ANKZF1: variants seen among roughly 807,000 people sequenced by gnomAD.
ANKZF1 encodes ankyrin repeat and zinc finger peptidyl tRNA hydrolase 1.
ANKZF1 carries 84 observed loss-of-function variants against 86.0 expected under a neutral mutation model. The observed-to-expected ratio is 0.98, with a 90% CI of 0.82 to 1.17. The LOEUF (loss-of-function observed/expected upper bound fraction) is 1.17. ANKZF1 is among the 50% of genes most tolerant of loss of function. The pLI, the probability that ANKZF1 is intolerant of heterozygous loss-of-function variation, is 0.00. For missense variants in ANKZF1, 893 were observed against 918.4 expected (o/e 0.97, Z 0.36); for synonymous variants, 331 against 354.2 (o/e 0.93, Z 0.74).
chr2:219,233,579 G>A, intron 7 of ANKZF1, 136 bp from the exon 8 acceptor site: 1 of 1,402,282 alleles, frequency 7.1e-7, no homozygotes, highest in Non-Finnish European at 9.6e-7. Flanking sequence ...GATTCCCCAG[G>A]AGCCTTAGTC....
rs780990700 is a variant in ANKZF1 at position 219,233,473 on chromosome 2, C to A, written c.819+40C>A. 3.9e-6 allele frequency: 6 copies of A among 1,540,154 alleles called. No individual in the cohort carries two copies. The Admixed American group carries it at 6.4e-5, about 16-fold the overall frequency. ...TTAGATCTGGTGGTACTGATCCATA[C>A]TTTTTTTGCATCTCTGTTCAACTCA... On this transcript the variant is annotated intron_variant, in intron 7 of 13. Coordinates refer to ENST00000323348, the MANE Select transcript of ANKZF1 (RefSeq NM_018089.3).
chr2:219,234,311 G>A (rs773965398), intron 9 of ANKZF1, 23 bp downstream of exon 9: 29 of 1,613,674 alleles, frequency 1.8e-5, no homozygotes, highest in Non-Finnish European at 2.5e-5. Context: ...TCTGGCAACT[G>A]TCAGATCTGA....
rs931064130 is a variant in ANKZF1 at position 219,229,878 on chromosome 2, C to T, written c.-53C>T. 5.4e-6 allele frequency: 1 copy of T among 184,250 alleles called. No homozygotes were observed. The allele number at this position is 184,250 out of a possible 1,614,324, so 11.4% of individuals were successfully genotyped here. On this transcript the variant is annotated 5_prime_UTR_variant, in exon 1 of 14. Coordinates refer to ENST00000323348, the MANE Select transcript of ANKZF1 (RefSeq NM_018089.3). The surrounding 1 kb of genome is among the most constrained non-coding windows in gnomAD (Gnocchi z 4.2). The stretch of plus-strand genomic sequence containing the variant: ...GGCAATCGACCTGAGGACTTGCGAG[C>T]CGCTCAGCTCCCGGGACGTTTGGTG...
chr2:219,232,448 A>G lies in ANKZF1; in HGVS notation c.365-42A>G, dbSNP rs757874315. The G allele has an allele frequency of 8.1e-6, 13 of 1,611,566 alleles. No homozygotes were observed. In the Admixed American group the frequency reaches 1.8e-4, roughly 23 times the overall value. Reference sequence around the variant, plus strand: ...TTTAGAGTTTGAGGAAAGAACAAAAATGGGGTACCAAACTTGTGTATCTCA... The same window carrying G: ...TTTAGAGTTTGAGGAAAGAACAAAAGTGGGGTACCAAACTTGTGTATCTCA... On this transcript the variant is annotated intron_variant, in intron 4 of 13. Coordinates refer to ENST00000323348, the MANE Select transcript of ANKZF1 (RefSeq NM_018089.3).
At chr2:219,234,590 T>G in intron 9 of ANKZF1, 1 of 664,826 alleles carries the variant, frequency 1.5e-6, no homozygotes, top group Non-Finnish European at 2.5e-6. Flanking sequence ...GCTTCCATGC[T>G]TTCCTCTATT....
At position 219,234,124 on chromosome 2, in the gene ANKZF1, T is replaced by C. The variant is rs1951131261; in HGVS notation, c.1049-9T>C. The C allele has an allele frequency of 6.2e-7, 1 of 1,604,514 alleles. No homozygotes were observed. Among genetic ancestry groups the C allele is most frequent in the Non-Finnish European group, 8.5e-7 (1 of 1,177,570 alleles). ...CTAAGGTTGAGAAAGATCTTTTCTT[T>C]TATGGCAGAAGAAGACCCTCGGGAA... On this transcript the variant is annotated splice_polypyrimidine_tract_variant and intron_variant, in intron 8 of 13. Transcript: ENST00000323348.
chr2:219,230,256 C>G lies in ANKZF1; in HGVS notation c.-2C>G, dbSNP rs1240067250. On this transcript the variant is annotated 5_prime_UTR_variant, in exon 2 of 14. Transcript: ENST00000323348. ...CTGCTGCTAAATAATTTCTGCTCAG[C>G]CATGTCGCCGGCTCCAGATGCAGCC... 1 of 1,612,736 alleles carries G rather than the reference C, an allele frequency of 6.2e-7. No homozygotes were observed. Among genetic ancestry groups the G allele is most frequent in the Non-Finnish European group, 8.5e-7 (1 of 1,179,138 alleles).
chr2:219,230,310 ACCT>A lies in ANKZF1; in HGVS notation c.55_57del (p.Leu19del). 6.2e-7 allele frequency: 1 copy of A among 1,613,678 alleles called. No individual in the cohort carries two copies. The highest frequency in any genetic ancestry group is 1.1e-5 in the South Asian group (1 of 91,050). On this transcript the variant is annotated inframe_deletion, in exon 2 of 14. Transcript: ENST00000323348. The stretch of plus-strand genomic sequence containing the variant: ...GCTCCTGCGTCGATCTCCCTGTTTG[ACCT>A]CAGCGCGGATGCTCCGGTCTTTCAG...
rs150725143 is a variant in ANKZF1, at chr2:219,234,137, A to C, written c.1053A>C (p.Glu351Asp). The C allele has an allele frequency of 7.5e-4, 1,203 of 1,608,274 alleles. No homozygotes were observed. The highest frequency in any genetic ancestry group is 1.3e-3 in the Middle Eastern group (8 of 6,014). The change falls in exon 9 of 14, where the codon GAA becomes GAC. Residue 351 changes from glutamate to aspartate, a missense_variant. By Grantham distance (45) the Glu-to-Asp change is conservative. Coordinates refer to ENST00000323348, the MANE Select transcript of ANKZF1 (RefSeq NM_018089.3). ...HKLTTLHVYEEDPREAVRLHS... is the reference protein window; with the variant it reads ...HKLTTLHVYEDDPREAVRLHS... ...AGATCTTTTCTTTTATGGCAGAAGA[A>C]GACCCTCGGGAAGCAGTCAGACTGC...
intron 7 of ANKZF1, 52 bp from the exon 8 acceptor site, chr2:219,233,663 A>G: frequency 1.3e-6 from 2 of 1,539,212 alleles, no homozygotes; most frequent in South Asian, 2.5e-5. Context: ...TTAGTTGGAG[A>G]TTTATAAATA....
chr2:219,233,683 G>A, intron 7 of ANKZF1, 32 bp from the exon 8 acceptor site: 1 of 1,565,704 alleles, frequency 6.4e-7, no homozygotes, highest in Non-Finnish European at 8.6e-7. Flanking sequence ...AGCAAGTGAA[G>A]GTATGCAGGA....
In ANKZF1 at chr2:219,232,046, A is replaced by G; in HGVS notation, c.261+6A>G. ...TCCAGAACCACCAAGAACAGGTAAT[A>G]GGTCAGGTGCAGAGCTAGATGTTAG... On this transcript the variant is annotated splice_donor_region_variant and intron_variant, in intron 3 of 13. Coordinates refer to ENST00000323348, the MANE Select transcript of ANKZF1 (RefSeq NM_018089.3). The G allele has an allele frequency of 1.3e-6, 2 of 1,599,538 alleles. No individual in the cohort carries two copies. Among genetic ancestry groups the G allele is most frequent in the Non-Finnish European group, 1.7e-6 (2 of 1,173,494 alleles).
chr2:219,235,251 G>A lies in ANKZF1; in HGVS notation c.1630G>A (p.Ala544Thr), dbSNP rs774352425. 2 of 1,612,534 alleles carry A rather than the reference G, an allele frequency of 1.2e-6. No individual in the cohort carries two copies. Among genetic ancestry groups the A allele is most frequent in the Admixed American group, 1.7e-5 (1 of 60,012 alleles). ...GGFTLLHAAA[A>T]AGRGSVVRLL... is the part of the protein sequence containing the mutation. ...CTTTACTCTCCTGCATGCAGCAGCTGCAGCTGGAAGAGGCTCAGTGGTTCG... is the reference window on the plus strand; with the variant it reads ...CTTTACTCTCCTGCATGCAGCAGCTACAGCTGGAAGAGGCTCAGTGGTTCG... The change falls in exon 10 of 14, where the codon GCA (alanine) becomes ACA (threonine). Residue 544 changes from alanine (A) to threonine (T), a missense_variant. Physicochemically the swap from Ala to Thr is moderately conservative, Grantham distance 58. Transcript: ENST00000323348.
rs549768105 is a variant in ANKZF1 at position 219,233,067 on chromosome 2, T to G, written c.559-12T>G. 6.2e-7 allele frequency: 1 copy of G among 1,611,208 alleles called. No homozygotes were observed. Among genetic ancestry groups the G allele is most frequent in the South Asian group, 1.1e-5 (1 of 90,990 alleles). Reference sequence around the variant, plus strand: ...GCAACAGATATGTTTCTGATGCTTCTCTGTCATCAAGGATCCCCCAGAAGA... The same window carrying G: ...GCAACAGATATGTTTCTGATGCTTCGCTGTCATCAAGGATCCCCCAGAAGA... On this transcript the variant is annotated splice_polypyrimidine_tract_variant and intron_variant, in intron 5 of 13. Transcript: ENST00000323348.
rs1302410876 is a variant in ANKZF1, at chr2:219,232,450, G to A, written c.365-40G>A. On this transcript the variant is annotated intron_variant, in intron 4 of 13. Coordinates refer to ENST00000323348, the MANE Select transcript of ANKZF1 (RefSeq NM_018089.3). ...TAGAGTTTGAGGAAAGAACAAAAAT[G>A]GGGTACCAAACTTGTGTATCTCATA... 4 of 1,611,408 alleles carry A rather than the reference G, an allele frequency of 2.5e-6. No individual in the cohort carries two copies. The South Asian group carries it at 3.3e-5, about 13-fold the overall frequency.
chr2:219,234,878 G>A lies in ANKZF1; in HGVS notation c.1257G>A (p.Glu419=). 2.5e-6 allele frequency: 4 copies of A among 1,614,162 alleles called. No homozygotes were observed. Among genetic ancestry groups the A allele is most frequent in the Non-Finnish European group, 3.4e-6 (4 of 1,180,008 alleles). ...DGFQVELELV[E]LTVGTLDLCE... Reference sequence around the variant, plus strand: ...TTCAGGTAGAGTTGGAGCTAGTGGAGTTGACTGTGGGGACTCTGGATCTTT... The same window carrying A: ...TTCAGGTAGAGTTGGAGCTAGTGGAATTGACTGTGGGGACTCTGGATCTTT... Residue 419 remains glutamate (E), a synonymous_variant, in exon 10 of 14, where the codon GAG becomes GAA. Coordinates refer to ENST00000323348, the MANE Select transcript of ANKZF1 (RefSeq NM_018089.3).
chr2:219,230,113 A>T, intron 1 of ANKZF1, 115 bp from the exon 2 acceptor site: 2 of 804,144 alleles, frequency 2.5e-6, no homozygotes, highest in Non-Finnish European at 3.8e-6. Flanking sequence ...AGTTGGTAGC[A>T]GGATGAGAGA....
chr2:219,232,818 C>T, intron 5 of ANKZF1, 135 bp downstream of exon 5: 1 of 1,044,602 alleles, frequency 9.6e-7, no homozygotes, highest in South Asian at 1.6e-5. Flanking sequence ...ACAACATAGT[C>T]TTGAATTGAA....
In ANKZF1 at chr2:219,229,827, C is replaced by T. The variant is rs537039365; in HGVS notation, c.-104C>T. On this transcript the variant is annotated 5_prime_UTR_variant, in exon 1 of 14. The change creates a new upstream start codon in the 5' untranslated region. Coordinates refer to ENST00000323348, the MANE Select transcript of ANKZF1 (RefSeq NM_018089.3). The surrounding 1 kb of genome is among the most constrained non-coding windows in gnomAD (Gnocchi z 4.2). The stretch of plus-strand genomic sequence containing the variant: ...TGTCCTCTTCGCTGCTCCGTAGTGA[C>T]GGGGATTGTTGTGTTGCAGAAATCC... The T allele has an allele frequency of 1.8e-5, 3 of 165,970 alleles. No homozygotes were observed. In the East Asian group the frequency reaches 5.5e-4, roughly 30 times the overall value. The allele number at this position is 165,970 out of a possible 1,614,324, so 10.3% of individuals were successfully genotyped here. A position where few individuals can be genotyped will look rare whatever the true frequency, so the allele number is the denominator to read the frequency against.
Sources: allele counts gnomAD v4.1 joint callset, GRCh38; gene constraint gnomAD v4.1.1; non-coding constraint Gnocchi (gnomAD v3.1); transcripts MANE v1.5; gene names NCBI Gene and HGNC (gene_info 2026-07-23, HGNC 2026-07-21).